The following RFX7 variants were observed in gnomAD, a reference collection of about 807,000 sequenced individuals.
RFX7 encodes the protein regulatory factor X7.
Under a neutral mutation model 111.8 loss-of-function variants are expected in RFX7, and 26 were observed. That is an observed-to-expected ratio of 0.23 (90% CI 0.17 to 0.32). The LOEUF is 0.32. Among genes scored for constraint, RFX7 ranks in the 10% least tolerant of loss-of-function variants. The pLI is 1.00. For missense variants in RFX7, 1,573 were observed against 1,772.9 expected, an observed-to-expected ratio of 0.89 and a Z score of 2.02; for synonymous variants, 624 against 624.4, an observed-to-expected ratio of 1.00 and a Z score of 0.01.
intron 2 of RFX7, among the ~76,000 whole-genome samples, chr15:56,230,820 C>T (rs1284358197): frequency 3.9e-5 from 6 of 152,168 alleles, no homozygotes; most frequent in East Asian, 3.9e-4. Context: ...AATGGCTGGG[C>T]GCAGTGGCTC....
Position 56,094,358 on chromosome 15 carries a change from C to A in RFX7, c.3370G>T (p.Val1124Phe), listed in dbSNP as rs1428948228. The A allele has an allele frequency of 1.9e-6, 3 of 1,613,802 alleles. No homozygotes were observed. The highest frequency in any genetic ancestry group is 1.7e-5 in the Admixed American group (1 of 59,986). ...HDTHFGRLTPVSPVQHQGATV... is the reference protein window; with the variant it reads ...HDTHFGRLTPFSPVQHQGATV... Reference sequence around the variant, plus strand: ...GCACCTTGATGCTGCACAGGAGAGACAGGAGTCAAACGACCAAAATGAGTG... The same window carrying A: ...GCACCTTGATGCTGCACAGGAGAGAAAGGAGTCAAACGACCAAAATGAGTG... The change falls in exon 10 of 10, where the codon GTC becomes TTC. Residue 1124 changes from valine (V) to phenylalanine (F), a missense_variant. Transcript: ENST00000559447.
At chr15:56,173,522 T>C (rs898384836) in intron 3 of RFX7, among the ~76,000 whole-genome samples, 1 of 152,236 alleles carries the variant, frequency 6.6e-6, no homozygotes, top group African/African-American at 2.4e-5. Context: ...GGCTTACGCC[T>C]GTAATCCCAA....
intron 3 of RFX7, among the ~76,000 whole-genome samples, chr15:56,166,102 A>G (rs149325877): frequency 0.017 from 2,614 of 152,242 alleles, 87 homozygotes; most frequent in African/African-American, 0.059. Flanking sequence ...GGATCTCCCT[A>G]TATTGCTCAG....
At position 56,093,896 on chromosome 15, in the gene RFX7, T is replaced by C. The variant is rs1410484017; in HGVS notation, c.3832A>G (p.Thr1278Ala). ...LGMNNLPSNY[T>A]ARMNLTQILE... Reference sequence around the variant, plus strand: ...ATCTGAGTGAGATTCATCCGGGCTGTATAATTAGAGGGCAGGTTGTTCATT... The same window carrying C: ...ATCTGAGTGAGATTCATCCGGGCTGCATAATTAGAGGGCAGGTTGTTCATT... The change falls in exon 10 of 10, where the codon ACA (threonine) becomes GCA (alanine). Residue 1278 changes from threonine to alanine, a missense_variant. Thr to Ala is a moderately conservative substitution (Grantham distance 58, BLOSUM62 0). This residue lies in a region of RFX7 where 411 missense variants were observed against 478.1 expected (regional missense o/e 0.86). Transcript: ENST00000559447. 6.2e-7 allele frequency: 1 copy of C among 1,613,836 alleles called. No homozygotes were observed. The highest frequency in any genetic ancestry group is 8.5e-7 in the Non-Finnish European group (1 of 1,179,888).
In RFX7 at chr15:56,096,451, C is replaced by T. The variant is rs1205240381; in HGVS notation, c.1277G>A (p.Arg426Gln). 7.4e-6 allele frequency: 12 copies of T among 1,612,596 alleles called. No individual in the cohort carries two copies. Among genetic ancestry groups the T allele is most frequent in the South Asian group, 1.1e-5 (1 of 90,830 alleles). Residue 426 changes from arginine (R) to glutamine (Q), a missense_variant, in exon 10 of 10, where the codon CGG (arginine) becomes CAG (glutamine). Physicochemically the swap from Arg to Gln is conservative, Grantham distance 43 (BLOSUM62 1). Coordinates refer to ENST00000559447, the MANE Select transcript of RFX7 (RefSeq NM_022841.7). ...PASPGGDRSA[R>Q]HRYPQILPKP... ...GGGTAAGATCTGAGGGTAACGGTGC[C>T]GGGCAGAACGATCCCCACCAGGACT...
intron 5 of RFX7, among the ~76,000 whole-genome samples, chr15:56,133,323 G>C (rs2042243450): frequency 6.6e-6 from 1 of 151,994 alleles, no homozygotes; most frequent in African/African-American, 2.4e-5. Flanking sequence ...AAAGAAGCCA[G>C]TCTTTACTGT....
In RFX7 at chr15:56,094,254, G is replaced by T. The variant is rs2041639597; in HGVS notation, c.3474C>A (p.Ala1158=). ...PLDNKGTNSS[A]SSNFRCRSVS... The stretch of plus-strand genomic sequence containing the variant: ...CACTCCGGCATCTGAAGTTGCTGCT[G>T]GCAGATGAATTAGTTCCTTTATTAT... Residue 1158 remains alanine, a synonymous_variant, in exon 10 of 10, where the codon GCC becomes GCA. Transcript: ENST00000559447. 1 of 1,613,962 alleles carries T rather than the reference G, an allele frequency of 6.2e-7. No individual in the cohort carries two copies. Among genetic ancestry groups the T allele is most frequent in the South Asian group, 1.1e-5 (1 of 91,080 alleles).
At chr15:56,097,602 C>T (rs563035106) in intron 9 of RFX7, among the ~76,000 whole-genome samples, 87 of 151,694 alleles carry the variant, frequency 5.7e-4, no homozygotes, top group African/African-American at 2.0e-3. Flanking sequence ...CAAAAATTAG[C>T]TGGGTGTGGT....
intron 3 of RFX7, among the ~76,000 whole-genome samples, chr15:56,177,388 T>C (rs1595988695): frequency 6.6e-6 from 1 of 152,162 alleles, no homozygotes; most frequent in East Asian, 1.9e-4. Context: ...CTTAATTATT[T>C]AGTCACTTGT....
At chr15:56,144,505 G>T in intron 3 of RFX7, 22 bp from the exon 4 acceptor site, 1 of 1,296,920 alleles carries the variant, frequency 7.7e-7, no homozygotes, top group Non-Finnish European at 1.0e-6. Flanking sequence ...GGATTAAAAA[G>T]AAAGATCATT....
intron 2 of RFX7, among the ~76,000 whole-genome samples, chr15:56,228,006 T>G (rs2043505171): frequency 6.6e-6 from 1 of 152,136 alleles, no homozygotes; most frequent in Non-Finnish European, 1.5e-5. Flanking sequence ...TTTACTTTCT[T>G]TTTCTTCAAC....
At chr15:56,229,435 T>A (rs776620135) in intron 2 of RFX7, among the ~76,000 whole-genome samples, 6 of 152,140 alleles carry the variant, frequency 3.9e-5, no homozygotes, top group Non-Finnish European at 8.8e-5. Context: ...CTGGTTAATT[T>A]TTTGTATTTT....
chr15:56,142,216 C>T (rs371305088), intron 5 of RFX7, among the ~76,000 whole-genome samples: 1 of 152,074 alleles, frequency 6.6e-6, no homozygotes, highest in East Asian at 1.9e-4. Context: ...GGCTCATCAG[C>T]CTCTGTATTT....
chr15:56,242,479 G>C (rs117683028), intron 2 of RFX7, among the ~76,000 whole-genome samples: 111 of 152,016 alleles, frequency 7.3e-4, no homozygotes, highest in Non-Finnish European at 1.3e-3. Context: ...CAAGACATTT[G>C]ATTCCCTATA....
chr15:56,226,568 G>A (rs1376305056), intron 2 of RFX7, among the ~76,000 whole-genome samples: 1 of 152,128 alleles, frequency 6.6e-6, no homozygotes, highest in Admixed American at 6.6e-5. Context: ...AATTTCAGAG[G>A]CAGAGCTGGA....
chr15:56,110,036 A>C (rs1595931369), intron 5 of RFX7, among the ~76,000 whole-genome samples: 3 of 102,412 alleles, frequency 2.9e-5, no homozygotes, highest in East Asian at 3.9e-4. Flanking sequence ...GGCCGCCCCT[A>C]CTGGAAAATG....
intron 2 of RFX7, among the ~76,000 whole-genome samples, chr15:56,231,493 T>C (rs183537630): frequency 1.3e-5 from 2 of 152,110 alleles, no homozygotes; most frequent in Non-Finnish European, 2.9e-5. Flanking sequence ...TTCACTACCA[T>C]GAGAACAGTA....
chr15:56,218,247 C>T (rs113709125), intron 2 of RFX7, among the ~76,000 whole-genome samples: 9,799 of 148,690 alleles, frequency 0.066, 445 homozygotes, highest in Admixed American at 0.11. Flanking sequence ...CTCTGCCTCC[C>T]GGGTTCAAGC....
chr15:56,087,359 C>T lies in RFX7; in HGVS notation c.*5986G>A, dbSNP rs1397727209. On this transcript the variant is annotated 3_prime_UTR_variant, in exon 10 of 10. Transcript: ENST00000559447. ...TAAGCAGTCAGGACTAGTTGGGCAT[C>T]TTCCCTTCCAAAGTCATCATGCCCT... is the stretch of plus-strand genomic sequence containing the variant. 24 of 453,216 alleles carry T rather than the reference C, an allele frequency of 5.3e-5. No homozygotes were observed. The highest frequency in any genetic ancestry group is 5.0e-4 in the Admixed American group (21 of 42,378). 28.1% of individuals were successfully genotyped at this position (453,216 alleles called of 1,614,324 possible).
Sources: allele counts gnomAD v4.1 joint callset (sites outside exome capture counted in the v4.1 genomes callset), GRCh38; gene constraint gnomAD v4.1.1; regional missense constraint gnomAD v4.1.1; transcripts MANE v1.5; gene names NCBI Gene and HGNC (gene_info 2026-07-23, HGNC 2026-07-21).